Variants in ZDHHC7 observed in about 807,000 individuals in gnomAD.
The protein encoded by ZDHHC7 is zDHHC palmitoyltransferase 7.
A neutral mutation model predicts 34.1 loss-of-function variants in ZDHHC7; 12 were observed. That is an observed-to-expected ratio of 0.35 (90% CI 0.23 to 0.57). The LOEUF is 0.57. ZDHHC7 is among the 20% of genes least tolerant of loss of function. ZDHHC7 has a pLI of 0.84. For synonymous variants in ZDHHC7, 185 were observed against 155.4 expected (o/e 1.19, Z -1.42); for missense variants, 388 against 402.7 (o/e 0.96, Z 0.31).
chr16:84,995,244 G>C (rs2326422), intron 2 of ZDHHC7, among the ~76,000 whole-genome samples: 22,769 of 152,060 alleles, frequency 0.15, 2,195 homozygotes, highest in East Asian at 0.33. Flanking sequence ...GCTCTTTCTC[G>C]GCATGTTAAA....
chr16:84,993,126 C>CA (rs2072531867), intron 2 of ZDHHC7, among the ~76,000 whole-genome samples: 1 of 152,100 alleles, frequency 6.6e-6, no homozygotes, highest in South Asian at 2.1e-4. Context: ...AGTTTGAGAT[C>CA]AGCCTGGGCA....
chr16:85,021,991 C>G, the ZDHHC7 span, among the ~76,000 whole-genome samples: 27 of 149,430 alleles, frequency 1.8e-4, no homozygotes, highest in East Asian at 5.4e-3. Flanking sequence ...CCTGTCTGTA[C>G]TAAAAATACA....
chr16:85,010,931 A>G (rs1597569891), intron 1 of ZDHHC7, among the ~76,000 whole-genome samples: 1 of 151,712 alleles, frequency 6.6e-6, no homozygotes. Flanking sequence ...CTATTAAAAA[A>G]CTCTTTACAG....
chr16:85,018,788 G>T, the ZDHHC7 span, among the ~76,000 whole-genome samples: 1 of 152,026 alleles, frequency 6.6e-6, no homozygotes, highest in African/African-American at 2.4e-5. Context: ...GGCAGGGAGA[G>T]AGAGAAACTC....
intron 3 of ZDHHC7, among the ~76,000 whole-genome samples, chr16:84,983,624 A>G (rs2072399212): frequency 6.6e-6 from 1 of 152,242 alleles, no homozygotes; most frequent in Non-Finnish European, 1.5e-5. Flanking sequence ...GGTCAAGATC[A>G]AAGTGTTTCC....
At chr16:84,998,571 C>T (rs1567503285) in intron 1 of ZDHHC7, among the ~76,000 whole-genome samples, 6 of 152,056 alleles carry the variant, frequency 3.9e-5, no homozygotes, top group Non-Finnish European at 1.5e-5. Context: ...CGCTGTCTCC[C>T]GCCCTAGTGT....
chr16:84,990,461 A>G lies in ZDHHC7; in HGVS notation c.158T>C (p.Met53Thr). 1 of 1,614,204 alleles carries G rather than the reference A, an allele frequency of 6.2e-7. No homozygotes were observed. Among genetic ancestry groups the G allele is most frequent in the South Asian group, 1.1e-5 (1 of 91,090 alleles). Residue 53 changes from methionine (M) to threonine (T), a missense_variant, in exon 3 of 8, where the codon ATG (methionine) becomes ACG (threonine). Physicochemically the swap from Met to Thr is moderately conservative, Grantham distance 81. Coordinates refer to ENST00000313732, the MANE Select transcript of ZDHHC7 (RefSeq NM_017740.3). ...RDGCGMICAV[M>T]TWLLVAYADF... is the part of the protein sequence containing the mutation. Reference sequence around the variant, plus strand: ...TGCATAGGCGACCAGAAGCCACGTCATGACAGCACAGATCATGCCGCAGCC... The same window carrying G: ...TGCATAGGCGACCAGAAGCCACGTCGTGACAGCACAGATCATGCCGCAGCC...
At chr16:84,993,302 CAG>C in intron 2 of ZDHHC7, among the ~76,000 whole-genome samples, 1 of 152,070 alleles carries the variant, frequency 6.6e-6, no homozygotes. Context: ...GCCTGGATGA[CAG>C]AGAGATCCTG....
chr16:85,008,142 C>G (rs890822869), intron 1 of ZDHHC7, among the ~76,000 whole-genome samples: 1 of 151,996 alleles, frequency 6.6e-6, no homozygotes, highest in Non-Finnish European at 1.5e-5. Flanking sequence ...ACAATTTAAC[C>G]TTATTTAATC....
intron 1 of ZDHHC7, among the ~76,000 whole-genome samples, chr16:85,007,388 A>C (rs1396442566): frequency 6.9e-6 from 1 of 144,754 alleles, no homozygotes; most frequent in Non-Finnish European, 1.5e-5. Context: ...ACGCCACCGC[A>C]CTCCAGCCTG....
chr16:84,982,340 A>G (rs1234584601), intron 3 of ZDHHC7, among the ~76,000 whole-genome samples: 5 of 146,042 alleles, frequency 3.4e-5, no homozygotes, highest in African/African-American at 7.9e-5. Context: ...GCAAGACTCC[A>G]TCTCAAAAAA....
intron 6 of ZDHHC7, 140 bp downstream of exon 6, chr16:84,977,784 A>G: frequency 1.4e-6 from 1 of 710,518 alleles, no homozygotes; most frequent in South Asian, 1.9e-5. Flanking sequence ...AAACTTAACT[A>G]AATTCTTTAA....
the ZDHHC7 span, among the ~76,000 whole-genome samples, chr16:85,025,146 T>C: frequency 6.6e-6 from 1 of 151,896 alleles, no homozygotes; most frequent in African/African-American, 2.4e-5. Context: ...GGCATGGCGG[T>C]GCGCACCTGC....
At chr16:85,013,182 G>A (rs754118198), upstream of ZDHHC7, among the ~76,000 whole-genome samples, 3 of 151,976 alleles carry the variant, frequency 2.0e-5, no homozygotes, top group Non-Finnish European at 4.4e-5. Context: ...TGCCACTTTT[G>A]GAAGCTCAAA....
chr16:84,981,835 G>A (rs370293403), intron 4 of ZDHHC7, 35 bp downstream of exon 4: 45 of 1,612,936 alleles, frequency 2.8e-5, no homozygotes, highest in Middle Eastern at 1.9e-4. Flanking sequence ...CCGCAGTGGC[G>A]GATGCGCTCG....
chr16:85,012,618 A>G (rs1160742385), upstream of ZDHHC7, among the ~76,000 whole-genome samples: 1 of 151,750 alleles, frequency 6.6e-6, no homozygotes, highest in African/African-American at 2.4e-5. Flanking sequence ...GAAAACCAGA[A>G]TAAGGCCAGG....
chr16:84,986,162 G>A (rs954652167), intron 3 of ZDHHC7, among the ~76,000 whole-genome samples: 1 of 152,182 alleles, frequency 6.6e-6, no homozygotes, highest in Non-Finnish European at 1.5e-5. Context: ...GGGGAACGGC[G>A]TGGGCGAGGC....
rs542793877 is a variant in ZDHHC7 at position 84,976,696 on chromosome 16, G to A, written c.751-177C>T. 9.2e-5 allele frequency among the ~76,000 whole-genome samples: 14 copies of A among 152,320 alleles called. 1 individual carries two copies. The South Asian group carries it at 2.9e-3, about 32-fold the overall frequency. ...CCCGTGGCCTCTGTGAGCCCAGCCC[G>A]GCTGCAGCCACGTGGCCAGCCCAGA... On this transcript the variant is annotated intron_variant, in intron 7 of 7. Coordinates refer to ENST00000313732, the MANE Select transcript of ZDHHC7 (RefSeq NM_017740.3).
chr16:85,020,843 A>G, the ZDHHC7 span, among the ~76,000 whole-genome samples: 1 of 152,136 alleles, frequency 6.6e-6, no homozygotes, highest in Admixed American at 6.6e-5. Context: ...AGAAGCTCAC[A>G]TCTGTAATCC....
Sources: gnomAD v4.1 joint callset for allele counts (sites outside exome capture counted in the v4.1 genomes callset) on GRCh38, gnomAD v4.1.1 for gene constraint, MANE v1.5 for transcripts, NCBI Gene and HGNC (gene_info 2026-07-23, HGNC 2026-07-21) for gene names.